Variants in FHIT observed in about 807,000 individuals in gnomAD.
FHIT encodes bis(5'-adenosyl)-triphosphatase.
A neutral mutation model predicts 17.9 loss-of-function variants in FHIT; 19 were observed. The observed-to-expected ratio is 1.06, with a 90% CI of 0.74 to 1.56. The LOEUF (loss-of-function observed/expected upper bound fraction) is 1.56, where lower values mean the gene tolerates loss of function less well. Among genes scored for constraint, FHIT ranks in the 40% most tolerant of loss-of-function variants. FHIT has a pLI of 0.00. For missense variants in FHIT, 248 were observed against 189.2 expected, an observed-to-expected ratio of 1.31 and a Z score of -1.82; for synonymous variants, 81 against 69.7, an observed-to-expected ratio of 1.16 and a Z score of -0.81.
At chr3:61,130,088 C>T (rs1025838831) in intron 2 of FHIT, among the ~76,000 whole-genome samples, 15 of 152,084 alleles carry the variant, frequency 9.9e-5, no homozygotes, top group East Asian at 5.8e-4. Context: ...GAAAACATTC[C>T]TGTCCTCAAA....
chr3:60,303,136 T>A (rs966125369), intron 5 of FHIT, among the ~76,000 whole-genome samples: 1 of 152,118 alleles, frequency 6.6e-6, no homozygotes, highest in Non-Finnish European at 1.5e-5. Flanking sequence ...TTCTCCCACA[T>A]CAAACACACC....
intron 5 of FHIT, among the ~76,000 whole-genome samples, chr3:60,398,817 G>GA (rs928388317): frequency 4.6e-5 from 7 of 151,716 alleles, no homozygotes; most frequent in African/African-American, 9.7e-5. Context: ...CACATAGGTG[G>GA]AAAAAAAATC....
intron 3 of FHIT, chr3:60,912,775 A>G (rs371137728): frequency 7.0e-5 from 36 of 516,584 alleles, no homozygotes; most frequent in Non-Finnish European, 1.3e-4. Context: ...CAGAAACTCA[A>G]AGTCCTTTCC....
chr3:59,969,151 T>C (rs539711183), intron 7 of FHIT, among the ~76,000 whole-genome samples: 1 of 152,250 alleles, frequency 6.6e-6, no homozygotes, highest in African/African-American at 2.4e-5. Flanking sequence ...AAAACAACAA[T>C]AGAAGTCCTC....
At chr3:60,807,096 T>C (rs1268561367) in intron 4 of FHIT, among the ~76,000 whole-genome samples, 1 of 152,080 alleles carries the variant, frequency 6.6e-6, no homozygotes, top group African/African-American at 2.4e-5. Context: ...TGCCAAGAAA[T>C]TTTCAGGCCT....
intron 4 of FHIT, among the ~76,000 whole-genome samples, chr3:60,766,871 G>A (rs371493248): frequency 2.6e-5 from 4 of 152,250 alleles, no homozygotes; most frequent in African/African-American, 4.8e-5. Flanking sequence ...ACAGTTCAGT[G>A]TAGTATTTCT....
Position 59,994,251 on chromosome 3 carries a change from C to T in FHIT, c.279+17120G>A, listed in dbSNP as rs1031259218. Among the ~76,000 whole-genome samples, 7 of 152,200 alleles carry T rather than the reference C, an allele frequency of 4.6e-5. No homozygotes were observed. In the East Asian group the frequency reaches 9.7e-4, roughly 21 times the overall value. On this transcript the variant is annotated intron_variant, in intron 7 of 9. Transcript: ENST00000492590. The stretch of plus-strand genomic sequence containing the variant: ...CAAAATATTAAGCCACTGTAAAGTA[C>T]TGTTACCATCAATGCAAATAGATGC...
At chr3:60,538,944 T>G (rs6775908) in intron 4 of FHIT, among the ~76,000 whole-genome samples, 8 of 151,542 alleles carry the variant, frequency 5.3e-5, no homozygotes, top group Admixed American at 2.6e-4. Context: ...GACAAATGGG[T>G]TCTAATTAAA....
chr3:59,765,693 T>C (rs1701758589), intron 8 of FHIT, among the ~76,000 whole-genome samples: 1 of 152,154 alleles, frequency 6.6e-6, no homozygotes, highest in African/African-American at 2.4e-5. Context: ...TAGCATTACC[T>C]CCTAAAGTTG....
chr3:60,299,546 G>A (rs538416561), intron 5 of FHIT, among the ~76,000 whole-genome samples: 1 of 152,180 alleles, frequency 6.6e-6, no homozygotes, highest in South Asian at 2.1e-4. Context: ...ACTTTTGCCT[G>A]CCTGGGAAAC....
intron 4 of FHIT, among the ~76,000 whole-genome samples, chr3:60,628,688 A>G (rs1240143266): frequency 6.6e-6 from 1 of 152,180 alleles, no homozygotes; most frequent in Non-Finnish European, 1.5e-5. Flanking sequence ...TGTAGATTTT[A>G]TAGAGCTACC....
intron 5 of FHIT, among the ~76,000 whole-genome samples, chr3:60,441,877 G>C (rs776464276): frequency 7.4e-6 from 1 of 134,820 alleles, no homozygotes; most frequent in African/African-American, 2.7e-5. Context: ...TTAATTTTAA[G>C]AGACAAGGAC....
intron 3 of FHIT, among the ~76,000 whole-genome samples, chr3:60,925,884 C>CA (rs1326066141): frequency 4.0e-5 from 6 of 151,756 alleles, no homozygotes; most frequent in Non-Finnish European, 8.8e-5. Flanking sequence ...AAATGGAAAA[C>CA]AAAAAAAGCA....
chr3:60,861,649 A>T (rs1221989240), intron 3 of FHIT, among the ~76,000 whole-genome samples: 1 of 152,060 alleles, frequency 6.6e-6, no homozygotes, highest in Non-Finnish European at 1.5e-5. Flanking sequence ...AAATCACTGC[A>T]AAAGGACTCA....
intron 4 of FHIT, among the ~76,000 whole-genome samples, chr3:60,674,420 T>C (rs1301407361): frequency 2.0e-5 from 3 of 152,224 alleles, no homozygotes; most frequent in African/African-American, 7.2e-5. Flanking sequence ...TGCTTTTTTC[T>C]GATTAATGGA....
intron 4 of FHIT, among the ~76,000 whole-genome samples, chr3:60,803,732 G>A (rs1475024913): frequency 2.6e-5 from 4 of 152,090 alleles, no homozygotes; most frequent in Non-Finnish European, 4.4e-5. Flanking sequence ...TTGTTTTGCA[G>A]TGCCAGCTAG....
rs142923579 is a variant in FHIT at position 60,594,847 on chromosome 3, C to T, written c.-17-57868G>A. ...TTCCTTAACTTTTCCCTTCTCCATC[C>T]TGCAGCATCTTCATCCTTCCCTGCT... On this transcript the variant is annotated intron_variant, in intron 4 of 9. Coordinates refer to ENST00000492590, the MANE Select transcript of FHIT (RefSeq NM_002012.4). 5.3e-4 allele frequency among the ~76,000 whole-genome samples: 81 copies of T among 152,202 alleles called. 1 individual carries two copies. The highest frequency in any genetic ancestry group is 3.7e-3 in the Admixed American group (57 of 15,266).
intron 5 of FHIT, among the ~76,000 whole-genome samples, chr3:60,234,471 C>T (rs1372071631): frequency 6.6e-6 from 1 of 152,092 alleles, no homozygotes; most frequent in East Asian, 1.9e-4. Flanking sequence ...TATTCTGATA[C>T]CGAATATATA....
intron 2 of FHIT, among the ~76,000 whole-genome samples, chr3:61,148,824 G>GAT (rs1293905967): frequency 6.6e-6 from 1 of 151,858 alleles, no homozygotes; most frequent in Non-Finnish European, 1.5e-5. Flanking sequence ...ATAACTTATT[G>GAT]GTTTCAATCT....
Sources: allele counts gnomAD v4.1 joint callset (sites outside exome capture counted in the v4.1 genomes callset), GRCh38; gene constraint gnomAD v4.1.1; transcripts MANE v1.5; gene names NCBI Gene and HGNC (gene_info 2026-07-23, HGNC 2026-07-21).